GPC6: variants seen among roughly 807,000 people sequenced by gnomAD.
GPC6 encodes the protein glypican 6, also known as glypican-6.
A neutral mutation model predicts 55.2 loss-of-function variants in GPC6; 14 were observed. The observed-to-expected ratio is 0.25, with a 90% CI of 0.17 to 0.40. The LOEUF is 0.40. Ranked by LOEUF, GPC6 falls within the 10% of genes least tolerant of loss-of-function variation. The probability of loss-of-function intolerance (pLI) is 1.00; values close to 1 mark genes in which losing one functional copy is unlikely to be tolerated. For synonymous variants in GPC6, 278 were observed against 259.6 expected, an observed-to-expected ratio of 1.07 and a Z score of -0.68; for missense variants, 641 against 708.5, an observed-to-expected ratio of 0.90 and a Z score of 1.08.
At chr13:94,108,706 G>A (rs1886140148) in intron 4 of GPC6, among the ~76,000 whole-genome samples, 1 of 151,964 alleles carries the variant, frequency 6.6e-6, no homozygotes, top group Admixed American at 6.6e-5. Context: ...GCTGGGCATG[G>A]TGGTCCATGC....
chr13:94,312,699 GACAC>G (rs1403403212), intron 6 of GPC6, among the ~76,000 whole-genome samples: 1 of 143,842 alleles, frequency 7.0e-6, no homozygotes, highest in Non-Finnish European at 1.5e-5. Flanking sequence ...CACACACGAA[GACAC>G]ACACGCACAC....
At chr13:93,761,345 AAT>A (rs766033676) in intron 2 of GPC6, among the ~76,000 whole-genome samples, 15 of 152,210 alleles carry the variant, frequency 9.9e-5, no homozygotes, top group Non-Finnish European at 1.8e-4. Context: ...TTAGTTTTTT[AAT>A]AGAGACAGAT....
intron 3 of GPC6, among the ~76,000 whole-genome samples, chr13:93,959,272 C>T (rs1465685577): frequency 6.6e-6 from 1 of 151,842 alleles, no homozygotes; most frequent in African/African-American, 2.4e-5. Flanking sequence ...AAGCGATTCT[C>T]CTGCCTCAGC....
chr13:93,925,639 A>G (rs898116433), intron 3 of GPC6, among the ~76,000 whole-genome samples: 2 of 152,150 alleles, frequency 1.3e-5, no homozygotes, highest in African/African-American at 4.8e-5. Context: ...CTATCCCAAA[A>G]CTTTGTGGCA....
chr13:94,063,025 G>A (rs569550772), intron 4 of GPC6, among the ~76,000 whole-genome samples: 2 of 152,302 alleles, frequency 1.3e-5, no homozygotes, highest in South Asian at 2.1e-4. Context: ...TCTCCTGGGC[G>A]TTGGGTCACT....
At chr13:93,886,926 T>C (rs534986957) in intron 3 of GPC6, among the ~76,000 whole-genome samples, 2 of 152,164 alleles carry the variant, frequency 1.3e-5, no homozygotes, top group South Asian at 4.1e-4. Flanking sequence ...TTATGTGGAA[T>C]ACATGCGTCT....
intron 2 of GPC6, among the ~76,000 whole-genome samples, chr13:93,723,464 C>T (rs1883522126): frequency 6.6e-6 from 1 of 152,108 alleles, no homozygotes; most frequent in South Asian, 2.1e-4. Context: ...TATGATTTCA[C>T]ATCAGATTGC....
At chr13:94,142,589 C>G (rs1351471998) in intron 4 of GPC6, among the ~76,000 whole-genome samples, 1 of 152,102 alleles carries the variant, frequency 6.6e-6, no homozygotes. Flanking sequence ...AACTTTTTAG[C>G]TAAATGTAGC....
chr13:94,097,670 T>TA (rs1289319339), intron 4 of GPC6, among the ~76,000 whole-genome samples: 12 of 152,330 alleles, frequency 7.9e-5, no homozygotes, highest in Admixed American at 7.8e-4. Context: ...AATTTTATCT[T>TA]ACGTGTTTTT....
chr13:93,927,319 T>C (rs1877912697), intron 3 of GPC6, among the ~76,000 whole-genome samples: 1 of 152,230 alleles, frequency 6.6e-6, no homozygotes, highest in Non-Finnish European at 1.5e-5. Context: ...ATAATGACTT[T>C]GTTTTCTTCT....
chr13:94,037,665 G>A (rs1883385888), intron 4 of GPC6, among the ~76,000 whole-genome samples: 2 of 151,840 alleles, frequency 1.3e-5, no homozygotes, highest in Non-Finnish European at 2.9e-5. Flanking sequence ...CCTGTTCAAG[G>A]TCATACAACT....
intron 4 of GPC6, among the ~76,000 whole-genome samples, chr13:94,220,123 A>G (rs1045120536): frequency 6.6e-6 from 1 of 152,170 alleles, no homozygotes; most frequent in Admixed American, 6.6e-5. Flanking sequence ...GAAGAGTTCA[A>G]TCACATCAAC....
rs1885615166 is a variant in GPC6, at chr13:93,780,693, CAATGTT to C, written c.320-49454_320-49449del. 2.6e-5 allele frequency among the ~76,000 whole-genome samples: 4 copies of C among 151,796 alleles called. No homozygotes were observed. In the South Asian group the frequency reaches 8.3e-4, roughly 32 times the overall value. On this transcript the variant is annotated intron_variant, in intron 2 of 8. Coordinates refer to ENST00000377047, the MANE Select transcript of GPC6 (RefSeq NM_005708.5). The stretch of plus-strand genomic sequence containing the variant: ...AAGGTTACTCCTATTAAAGGTTTGA[CAATGTT>C]AATGTTTAAAACAAGTCATAGAATG...
At chr13:93,620,190 A>G (rs1047416266) in intron 2 of GPC6, among the ~76,000 whole-genome samples, 7 of 152,194 alleles carry the variant, frequency 4.6e-5, no homozygotes, top group Non-Finnish European at 1.0e-4. Flanking sequence ...TATTGCATTC[A>G]TAATCTTAAA....
intron 2 of GPC6, among the ~76,000 whole-genome samples, chr13:93,781,893 G>T (rs964722969): frequency 6.6e-6 from 1 of 151,870 alleles, no homozygotes; most frequent in Non-Finnish European, 1.5e-5. Flanking sequence ...CATTGGAGGT[G>T]GCTAAATGAA....
At chr13:93,935,998 T>C (rs1878418058) in intron 3 of GPC6, among the ~76,000 whole-genome samples, 1 of 151,966 alleles carries the variant, frequency 6.6e-6, no homozygotes, top group African/African-American at 2.4e-5. Flanking sequence ...TTAACAATAT[T>C]AAAGGAAGAA....
intron 4 of GPC6, among the ~76,000 whole-genome samples, chr13:94,105,980 A>G (rs1886040938): frequency 7.5e-6 from 1 of 132,486 alleles, no homozygotes; most frequent in Non-Finnish European, 1.6e-5. Flanking sequence ...CACGACCAAG[A>G]GTTATCCAGC....
Position 93,643,641 on chromosome 13 carries a change from GA to G in GPC6, c.319+98223del, listed in dbSNP as rs1880053618. On this transcript the variant is annotated intron_variant, in intron 2 of 8. Transcript: ENST00000377047. Reference sequence around the variant, plus strand: ...AACATTTCTTCTTTCCTGGTAAGGGGAAAGCATTTTTCACATGAGAGTTTTC... The same window carrying G: ...AACATTTCTTCTTTCCTGGTAAGGGGAAGCATTTTTCACATGAGAGTTTTC... Among the ~76,000 whole-genome samples the G allele has an allele frequency of 2.0e-5, 3 of 152,052 alleles. No homozygotes were observed. The South Asian group carries it at 6.2e-4, about 31-fold the overall frequency.
Position 94,382,551 on chromosome 13 carries a change from G to A in GPC6, c.1289+1G>A, listed in dbSNP as rs1193342837. 2 of 1,614,144 alleles carry A rather than the reference G, an allele frequency of 1.2e-6. No homozygotes were observed. The highest frequency in any genetic ancestry group is 1.7e-5 in the Admixed American group (1 of 60,034). Reference sequence around the variant, plus strand: ...GCTGGAACGGGCACAGCAAAGCCAGGTGAGGGTGACTCGATGTGTGCATGG... The same window carrying A: ...GCTGGAACGGGCACAGCAAAGCCAGATGAGGGTGACTCGATGTGTGCATGG... On this transcript the variant is annotated splice_donor_variant, in intron 7 of 8. Coordinates refer to ENST00000377047, the MANE Select transcript of GPC6 (RefSeq NM_005708.5). LOFTEE classifies it high-confidence loss of function.
Sources: allele counts gnomAD v4.1 joint callset (sites outside exome capture counted in the v4.1 genomes callset), GRCh38; gene constraint gnomAD v4.1.1; transcripts MANE v1.5; gene names NCBI Gene and HGNC (gene_info 2026-07-23, HGNC 2026-07-21).